Variants in CCDC134 observed in about 807,000 individuals in gnomAD.
CCDC134 encodes coiled-coil domain-containing protein 134.
In CCDC134, 27 loss-of-function variants were observed where a neutral mutation model predicts 25.6. The observed-to-expected ratio is 1.05, with a 90% CI of 0.78 to 1.45. The LOEUF (loss-of-function observed/expected upper bound fraction) is 1.45. CCDC134 is among the 40% of genes most tolerant of loss of function. The pLI is 0.00. For synonymous variants in CCDC134, 110 were observed against 115.0 expected (o/e 0.96, Z 0.28); for missense variants, 261 against 286.7 (o/e 0.91, Z 0.65).
rs2148308388 is a variant in CCDC134 at position 41,809,922 on chromosome 22, A to G, written c.147A>G (p.Ala49=). ...FEVKRREQLL[A]LKNLAQLNDI... is the part of the protein sequence containing the mutation. Reference sequence around the variant, plus strand: ...TGAAGCGGCGGGAGCAGCTGTTGGCACTGAAGAACCTGGCACAGCTGAACG... The same window carrying G: ...TGAAGCGGCGGGAGCAGCTGTTGGCGCTGAAGAACCTGGCACAGCTGAACG... The change falls in exon 3 of 7, where the codon GCA becomes GCG. Residue 49 remains alanine (A), a synonymous_variant. Transcript: ENST00000255784. 3 of 1,614,176 alleles carry G rather than the reference A, an allele frequency of 1.9e-6. No individual in the cohort carries two copies. The highest frequency in any genetic ancestry group is 2.5e-6 in the Non-Finnish European group (3 of 1,180,032).
chr22:41,821,492 T>C (rs372567653), intron 6 of CCDC134, among the ~76,000 whole-genome samples: 169 of 116,448 alleles, frequency 1.5e-3, no homozygotes, highest in African/African-American at 5.3e-3. Context: ...GTCCCCAGAG[T>C]GTGATGTTCC....
Position 41,825,609 on chromosome 22 carries a change from T to C in CCDC134, c.565-89T>C, listed in dbSNP as rs1425405774. 5 of 1,545,770 alleles carry C rather than the reference T, an allele frequency of 3.2e-6. No homozygotes were observed. In the East Asian group the frequency reaches 9.1e-5, roughly 28 times the overall value. On this transcript the variant is annotated intron_variant, in intron 6 of 6. Transcript: ENST00000255784. This position sits in a 1 kb window ranked among gnomAD's most constrained non-coding sequence, Gnocchi z 4.4. ...GGCAGGGCCTGTGTCCAGGGAACCTTCCTATTCCCACACCCCGCTGGTGGC... is the reference window on the plus strand; with the variant it reads ...GGCAGGGCCTGTGTCCAGGGAACCTCCCTATTCCCACACCCCGCTGGTGGC...
rs941342509 is a variant in CCDC134, at chr22:41,827,854, C to G, written c.*2031C>G. Among the ~76,000 whole-genome samples, 3 of 152,198 alleles carry G rather than the reference C, an allele frequency of 2.0e-5. No homozygotes were observed. Among genetic ancestry groups the G allele is most frequent in the African/African-American group, 7.2e-5 (3 of 41,438 alleles). ...TGTCAGGACCAGCCCGCAAGCTCTTCCCTGCCGGAAGGACCAGGCCAGTCG... is the reference window on the plus strand; with the variant it reads ...TGTCAGGACCAGCCCGCAAGCTCTTGCCTGCCGGAAGGACCAGGCCAGTCG... On this transcript the variant is annotated 3_prime_UTR_variant, in exon 7 of 7. Coordinates refer to ENST00000255784, the MANE Select transcript of CCDC134 (RefSeq NM_024821.5).
intron 6 of CCDC134, among the ~76,000 whole-genome samples, chr22:41,823,648 C>T (rs1029651724): frequency 6.6e-6 from 1 of 152,190 alleles, no homozygotes; most frequent in Non-Finnish European, 1.5e-5. Context: ...CATTTAGTCC[C>T]GTTCAGGGTC....
intron 6 of CCDC134, among the ~76,000 whole-genome samples, chr22:41,821,874 G>A (rs1172499037): frequency 2.6e-5 from 4 of 152,124 alleles, no homozygotes; most frequent in Non-Finnish European, 5.9e-5. Flanking sequence ...TCGAGCTGTG[G>A]GGGTTGTCTC....
intron 6 of CCDC134, among the ~76,000 whole-genome samples, chr22:41,819,106 GTGGACT>G (rs1238756646): frequency 6.6e-6 from 1 of 152,094 alleles, no homozygotes; most frequent in East Asian, 1.9e-4. Context: ...GATATCCTGC[GTGGACT>G]TGTCTCTCGC....
chr22:41,817,700 C>A (rs1273700171), intron 6 of CCDC134, among the ~76,000 whole-genome samples: 3 of 151,332 alleles, frequency 2.0e-5, no homozygotes, highest in African/African-American at 4.9e-5. Flanking sequence ...CCACTGCACT[C>A]CAGCCTGGGC....
At chr22:41,810,332 G>A (rs760854164) in intron 4 of CCDC134, 41 bp downstream of exon 4, 17 of 1,550,608 alleles carry the variant, frequency 1.1e-5, no homozygotes, top group African/African-American at 6.8e-5. Context: ...CGCACCACCC[G>A]ATCTTCTCTA....
At chr22:41,802,074 G>A (rs1377644047) in intron 1 of CCDC134, among the ~76,000 whole-genome samples, 1 of 152,100 alleles carries the variant, frequency 6.6e-6, no homozygotes, top group African/African-American at 2.4e-5. Flanking sequence ...CAGGGTTGTG[G>A]TTTTTGCATT....
At position 41,825,097 on chromosome 22, in the gene CCDC134, A is replaced by G. The variant is rs1276212857; in HGVS notation, c.565-601A>G. Among the ~76,000 whole-genome samples the G allele has an allele frequency of 6.6e-6, 1 of 152,110 alleles. No homozygotes were observed. Among genetic ancestry groups the G allele is most frequent in the East Asian group, 1.9e-4 (1 of 5,180 alleles). On this transcript the variant is annotated intron_variant, in intron 6 of 6. Coordinates refer to ENST00000255784, the MANE Select transcript of CCDC134 (RefSeq NM_024821.5). This position sits in a 1 kb window ranked among gnomAD's most constrained non-coding sequence, Gnocchi z 4.4. ...CTAGGGTGCATTTGGGACATCCTAA[A>G]GGAGGTCTCAGACAGGCATTTGGAA...
intron 1 of CCDC134, among the ~76,000 whole-genome samples, chr22:41,806,815 A>AG (rs776032662): frequency 2.0e-5 from 3 of 152,128 alleles, no homozygotes; most frequent in Non-Finnish European, 4.4e-5. Context: ...TGGGAGGCTG[A>AG]GGCGGTGGAT....
At position 41,813,249 on chromosome 22, in the gene CCDC134, G is replaced by A; in HGVS notation, c.311-15G>A. The A allele has an allele frequency of 6.2e-7, 1 of 1,613,916 alleles. No individual in the cohort carries two copies. The highest frequency in any genetic ancestry group is 8.5e-7 in the Non-Finnish European group (1 of 1,179,808). ...GAGCATCTGCCCTGGCCACTCATCA[G>A]GGTCCTCTCGCCAGCTTTCTCCCAC... On this transcript the variant is annotated splice_polypyrimidine_tract_variant and intron_variant, in intron 4 of 6. Coordinates refer to ENST00000255784, the MANE Select transcript of CCDC134 (RefSeq NM_024821.5).
At position 41,828,672 on chromosome 22, in the gene CCDC134, C is replaced by T. The variant is rs1350598857; in HGVS notation, c.*2849C>T. Among the ~76,000 whole-genome samples the T allele has an allele frequency of 6.6e-6, 1 of 152,016 alleles. No homozygotes were observed. The highest frequency in any genetic ancestry group is 2.4e-5 in the African/African-American group (1 of 41,428). On this transcript the variant is annotated 3_prime_UTR_variant, in exon 7 of 7. Transcript: ENST00000255784. ...GTCTTACTGCAGACAGAGCCCACCC[C>T]CTGAGCTGTAAAGGCCCTAGGGCAC...
intron 6 of CCDC134, among the ~76,000 whole-genome samples, chr22:41,823,220 A>ATTTTT (rs34103607): frequency 8.6e-5 from 11 of 127,444 alleles, no homozygotes; most frequent in East Asian, 2.3e-4. Context: ...CATTACCAGA[A>ATTTTT]TTTTTTTTTT....
At chr22:41,805,636 C>A (rs1455095569) in intron 1 of CCDC134, among the ~76,000 whole-genome samples, 1 of 151,962 alleles carries the variant, frequency 6.6e-6, no homozygotes, top group African/African-American at 2.4e-5. Context: ...AAATATATGT[C>A]ATAAACACAT....
chr22:41,820,231 C>T (rs1162278799), intron 6 of CCDC134, among the ~76,000 whole-genome samples: 4 of 151,496 alleles, frequency 2.6e-5, no homozygotes, highest in African/African-American at 9.7e-5. Flanking sequence ...CTTCTGACCT[C>T]GTGATCCGCC....
At chr22:41,817,244 T>C (rs1420116879) in intron 6 of CCDC134, among the ~76,000 whole-genome samples, 1 of 152,134 alleles carries the variant, frequency 6.6e-6, no homozygotes, top group East Asian at 1.9e-4. Context: ...GTAGTGGGTA[T>C]GTTACCATGC....
At chr22:41,823,969 G>A (rs372664253) in intron 6 of CCDC134, among the ~76,000 whole-genome samples, 1 of 152,220 alleles carries the variant, frequency 6.6e-6, no homozygotes, top group Non-Finnish European at 1.5e-5. Flanking sequence ...AGGACCTGCT[G>A]TGCTATTGTA....
chr22:41,808,842 G>A (rs1176681247), intron 1 of CCDC134, 33 bp from the exon 2 acceptor site: 1 of 1,508,332 alleles, frequency 6.6e-7, no homozygotes, highest in South Asian at 1.1e-5. Context: ...CGATCTCTGA[G>A]TCTCACTCTC....
Sources: gnomAD v4.1 joint callset for allele counts (sites outside exome capture counted in the v4.1 genomes callset) on GRCh38, gnomAD v4.1.1 for gene constraint, Gnocchi (gnomAD v3.1) non-coding constraint, MANE v1.5 for transcripts, NCBI Gene and HGNC (gene_info 2026-07-23, HGNC 2026-07-21) for gene names.